The following CUX1 variants were observed in gnomAD, a reference collection of about 807,000 sequenced individuals.
The protein encoded by CUX1 is protein CASP.
CUX1 carries 31 observed loss-of-function variants against 158.8 expected under a neutral mutation model. That is an observed-to-expected ratio of 0.20 (90% CI 0.15 to 0.26). The LOEUF is 0.26. Among genes scored for constraint, CUX1 ranks in the 10% least tolerant of loss-of-function variants. The probability of loss-of-function intolerance (pLI) is 1.00; values close to 1 mark genes in which losing one functional copy is unlikely to be tolerated. For missense variants in CUX1, 1,589 were observed against 2,014.6 expected, an observed-to-expected ratio of 0.79 and a Z score of 4.04; for synonymous variants, 879 against 862.1, an observed-to-expected ratio of 1.02 and a Z score of -0.34.
At chr7:101,920,501 T>C (rs577858913) in intron 2 of CUX1, among the ~76,000 whole-genome samples, 110 of 152,268 alleles carry the variant, frequency 7.2e-4, no homozygotes, top group Middle Eastern at 6.8e-3. Context: ...TCAAGCAGGG[T>C]CCTCCCACTT....
intron 1 of CUX1, among the ~76,000 whole-genome samples, chr7:101,892,134 T>G (rs1041609188): frequency 8.5e-5 from 13 of 152,196 alleles, no homozygotes; most frequent in African/African-American, 3.1e-4. Context: ...TTTGAGCCTC[T>G]CCTTGCACTG....
chr7:101,832,912 C>T (rs1794217078), intron 1 of CUX1, among the ~76,000 whole-genome samples: 6 of 151,692 alleles, frequency 4.0e-5, no homozygotes, highest in South Asian at 2.1e-4. Context: ...AGGGAGGGGC[C>T]GGAGAGGGAG....
chr7:102,120,335 C>A (rs1428984308), intron 8 of CUX1, among the ~76,000 whole-genome samples: 1 of 152,208 alleles, frequency 6.6e-6, no homozygotes, highest in Non-Finnish European at 1.5e-5. Flanking sequence ...CATTCCTCCC[C>A]ACTCGTGGGC....
At chr7:102,025,805 A>T (rs1222514935) in intron 2 of CUX1, among the ~76,000 whole-genome samples, 7 of 152,214 alleles carry the variant, frequency 4.6e-5, no homozygotes, top group African/African-American at 1.7e-4. Flanking sequence ...AAGGGAAATT[A>T]TAATGCTTCT....
At chr7:102,047,648 A>C (rs1233059031) in intron 3 of CUX1, among the ~76,000 whole-genome samples, 1 of 151,520 alleles carries the variant, frequency 6.6e-6, no homozygotes, top group Non-Finnish European at 1.5e-5. Flanking sequence ...GAATAGATTG[A>C]CTCTTACTCA....
chr7:102,054,865 G>A (rs1007914162), intron 3 of CUX1, among the ~76,000 whole-genome samples: 1 of 152,022 alleles, frequency 6.6e-6, no homozygotes, highest in Admixed American at 6.6e-5. Flanking sequence ...CAGTTACTCC[G>A]GAGGCTGTGG....
intron 1 of CUX1, among the ~76,000 whole-genome samples, chr7:101,902,098 C>A (rs972322030): frequency 4.6e-5 from 7 of 152,154 alleles, no homozygotes; most frequent in Admixed American, 4.6e-4. Flanking sequence ...ATGACCTCGC[C>A]CCCTGTTTCA....
intron 6 of CUX1, among the ~76,000 whole-genome samples, chr7:102,107,619 C>T (rs1312473600): frequency 5.3e-5 from 8 of 152,332 alleles, no homozygotes; most frequent in Admixed American, 1.3e-4. Flanking sequence ...AGAACTTGGC[C>T]GTAGGCTTTC....
chr7:102,082,263 C>T (rs1245642228), intron 4 of CUX1, among the ~76,000 whole-genome samples: 1 of 146,964 alleles, frequency 6.8e-6, no homozygotes, highest in Non-Finnish European at 1.5e-5. Context: ...CGGTGGCTCA[C>T]GCCTGTAATC....
At chr7:101,844,502 C>T (rs1224311292) in intron 1 of CUX1, among the ~76,000 whole-genome samples, 1 of 152,166 alleles carries the variant, frequency 6.6e-6, no homozygotes, top group Non-Finnish European at 1.5e-5. Context: ...CAGAGAGTCA[C>T]GGTTGAGAAA....
chr7:101,919,517 C>T (rs1455245127), intron 2 of CUX1, among the ~76,000 whole-genome samples: 2 of 152,170 alleles, frequency 1.3e-5, no homozygotes, highest in Non-Finnish European at 2.9e-5. Context: ...ATGCAGCCCA[C>T]GATCCCCATG....
At chr7:102,097,998 T>A (rs1369135343) in intron 5 of CUX1, among the ~76,000 whole-genome samples, 1 of 152,202 alleles carries the variant, frequency 6.6e-6, no homozygotes, top group Non-Finnish European at 1.5e-5. Context: ...GAAAACAACC[T>A]CTTGGTGTGT....
At chr7:101,932,476 A>G in intron 2 of CUX1, 1 of 421,138 alleles carries the variant, frequency 2.4e-6, no homozygotes, top group Non-Finnish European at 4.9e-6. Context: ...TGCATCGCTT[A>G]CGAGCGCAGC....
At chr7:102,200,005 T>C (rs1554519201) in intron 16 of CUX1, 66 bp from the exon 17 acceptor site, 54 of 1,386,030 alleles carry the variant, frequency 3.9e-5, no homozygotes. Context: ...GAATGACGTC[T>C]TCGCGCAGCG....
intron 3 of CUX1, among the ~76,000 whole-genome samples, chr7:102,032,153 T>C (rs1373405183): frequency 2.0e-5 from 3 of 151,738 alleles, no homozygotes; most frequent in East Asian, 1.9e-4. Context: ...GGTCTTGAAC[T>C]CCTGAGCTCC....
At chr7:101,978,283 C>T (rs1331017199) in intron 2 of CUX1, among the ~76,000 whole-genome samples, 1 of 152,190 alleles carries the variant, frequency 6.6e-6, no homozygotes, top group African/African-American at 2.4e-5. Context: ...TGACCCCTCC[C>T]ACACACACCG....
At chr7:102,049,893 C>T (rs1174137726) in intron 3 of CUX1, among the ~76,000 whole-genome samples, 2 of 152,092 alleles carry the variant, frequency 1.3e-5, no homozygotes, top group Non-Finnish European at 2.9e-5. Flanking sequence ...CCACAGAGCA[C>T]ACATCAGCAG....
At chr7:102,191,704 G>A (rs1378529900) in intron 12 of CUX1, among the ~76,000 whole-genome samples, 1 of 152,138 alleles carries the variant, frequency 6.6e-6, no homozygotes, top group East Asian at 1.9e-4. Context: ...CTTCATTGTC[G>A]TCTTCGTTGT....
At position 101,839,635 on chromosome 7, in the gene CUX1, C is replaced by T. The variant is rs369799719; in HGVS notation, c.30+21966C>T. On this transcript the variant is annotated intron_variant, in intron 1 of 23. Coordinates refer to ENST00000292535, the MANE Select transcript of CUX1 (RefSeq NM_181552.4). ...TTATACTTGTCAGCTTTTCAGATTT[C>T]GCCTTTTGTAAATTGTCTGGTCATA... 1.1e-4 allele frequency among the ~76,000 whole-genome samples: 17 copies of T among 151,284 alleles called. No individual in the cohort carries two copies. In the East Asian group the frequency reaches 2.5e-3, roughly 22 times the overall value.
Sources: allele counts gnomAD v4.1 joint callset (sites outside exome capture counted in the v4.1 genomes callset), GRCh38; gene constraint gnomAD v4.1.1; transcripts MANE v1.5; gene names NCBI Gene and HGNC (gene_info 2026-07-23, HGNC 2026-07-21).